Variants in UBE2K observed in about 807,000 individuals in gnomAD.
The protein encoded by UBE2K is ubiquitin-conjugating enzyme E2 K.
UBE2K carries 6 observed loss-of-function variants against 30.0 expected under a neutral mutation model. The ratio of observed to expected loss-of-function variants is 0.20; its 90% CI spans 0.11 to 0.39. The LOEUF (loss-of-function observed/expected upper bound fraction) is 0.39, where lower values mean the gene tolerates loss of function less well. UBE2K is among the 10% of genes least tolerant of loss of function. The probability of loss-of-function intolerance (pLI) is 1.00; values close to 1 mark genes in which losing one functional copy is unlikely to be tolerated. For synonymous variants in UBE2K, 86 were observed against 83.7 expected (o/e 1.03, Z -0.15); for missense variants, 61 against 241.6 (o/e 0.25, Z 4.96).
intron 1 of UBE2K, among the ~76,000 whole-genome samples, chr4:39,735,991 T>C (rs1720356352): frequency 7.1e-6 from 1 of 140,158 alleles, no homozygotes; most frequent in Non-Finnish European, 1.5e-5. Flanking sequence ...ATATTTAACA[T>C]AGAAAAAGAG....
chr4:39,755,438 C>T (rs1354213857), intron 3 of UBE2K, among the ~76,000 whole-genome samples: 2 of 152,080 alleles, frequency 1.3e-5, no homozygotes, highest in African/African-American at 2.4e-5. Flanking sequence ...TGTTTAAAGG[C>T]GGAACATTTA....
At chr4:39,769,875 C>G (rs1369488103) in intron 4 of UBE2K, among the ~76,000 whole-genome samples, 1 of 152,156 alleles carries the variant, frequency 6.6e-6, no homozygotes, top group Non-Finnish European at 1.5e-5. Flanking sequence ...ACCCTGTCCC[C>G]CGCTCCAGCT....
At chr4:39,736,453 A>C (rs1720385763) in intron 1 of UBE2K, among the ~76,000 whole-genome samples, 1 of 152,072 alleles carries the variant, frequency 6.6e-6, no homozygotes, top group Non-Finnish European at 1.5e-5. Context: ...CAAGAGCAAG[A>C]CTCCGTCTCA....
intron 1 of UBE2K, among the ~76,000 whole-genome samples, chr4:39,712,460 C>T (rs554829153): frequency 6.8e-6 from 1 of 146,568 alleles, no homozygotes; most frequent in South Asian, 2.2e-4. Flanking sequence ...GATGGACTCT[C>T]GCTTTATCGC....
chr4:39,698,649 C>G (rs1213459365), intron 1 of UBE2K, among the ~76,000 whole-genome samples: 1 of 151,944 alleles, frequency 6.6e-6, no homozygotes, highest in Non-Finnish European at 1.5e-5. Context: ...GGCAACTCCT[C>G]GGAGGGATGG....
chr4:39,698,456 C>T, intron 1 of UBE2K, 66 bp downstream of exon 1: 13 of 1,443,846 alleles, frequency 9.0e-6, no homozygotes, highest in South Asian at 1.2e-5. Flanking sequence ...CCAGCTGCGA[C>T]CCCGATATCC....
At chr4:39,771,664 G>A (rs190650877) in intron 4 of UBE2K, among the ~76,000 whole-genome samples, 74 of 152,228 alleles carry the variant, frequency 4.9e-4, no homozygotes, top group African/African-American at 1.7e-3. Context: ...TGTGTTCCAG[G>A]CCTCGCGCGC....
At chr4:39,719,821 G>A (rs1719321871) in intron 1 of UBE2K, among the ~76,000 whole-genome samples, 1 of 152,194 alleles carries the variant, frequency 6.6e-6, no homozygotes, top group African/African-American at 2.4e-5. Context: ...ATATAGCACA[G>A]TTTTTGCCTC....
intron 4 of UBE2K, among the ~76,000 whole-genome samples, chr4:39,763,570 C>T (rs1455049450): frequency 6.6e-6 from 1 of 152,068 alleles, no homozygotes; most frequent in Non-Finnish European, 1.5e-5. Context: ...AAACAACCAG[C>T]TCTCACATGA....
chr4:39,729,609 C>A (rs1460721812), intron 1 of UBE2K, among the ~76,000 whole-genome samples: 3 of 152,142 alleles, frequency 2.0e-5, no homozygotes, highest in African/African-American at 7.2e-5. Flanking sequence ...AGTATTCTCT[C>A]TAATCCCCCT....
At chr4:39,747,785 TTTG>T (rs1054044884) in intron 3 of UBE2K, among the ~76,000 whole-genome samples, 8 of 151,698 alleles carry the variant, frequency 5.3e-5, no homozygotes, top group East Asian at 1.9e-4. Context: ...CCCGGCTAAT[TTTG>T]TTGTTGTTGT....
Position 39,698,298 on chromosome 4 carries a change from G to A in UBE2K, c.-30G>A. ...CGGTGGTCGTAGCGGTGGCGGAGGAGGCGGGTACGAATCAGCTGCGGGCGG... is the reference window on the plus strand; with the variant it reads ...CGGTGGTCGTAGCGGTGGCGGAGGAAGCGGGTACGAATCAGCTGCGGGCGG... On this transcript the variant is annotated 5_prime_UTR_variant, in exon 1 of 7. Transcript: ENST00000261427. 2 of 1,603,552 alleles carry A rather than the reference G, an allele frequency of 1.2e-6. No individual in the cohort carries two copies. Among genetic ancestry groups the A allele is most frequent in the African/African-American group, 2.7e-5 (2 of 74,974 alleles).
At chr4:39,701,443 C>T (rs771551312) in intron 1 of UBE2K, among the ~76,000 whole-genome samples, 9 of 152,092 alleles carry the variant, frequency 5.9e-5, no homozygotes, top group South Asian at 2.1e-4. Flanking sequence ...TTTGTTTTTA[C>T]GTTATTGCTA....
chr4:39,712,583 G>A (rs1418502014), intron 1 of UBE2K, among the ~76,000 whole-genome samples: 1 of 151,778 alleles, frequency 6.6e-6, no homozygotes, highest in East Asian at 1.9e-4. Flanking sequence ...CACCACGCCT[G>A]GCTAAGTTTT....
At chr4:39,773,313 A>G (rs1337620000) in intron 4 of UBE2K, among the ~76,000 whole-genome samples, 3 of 151,228 alleles carry the variant, frequency 2.0e-5, no homozygotes, top group Non-Finnish European at 4.4e-5. Flanking sequence ...CTAAAACTAC[A>G]AAAAATTAGC....
intron 4 of UBE2K, among the ~76,000 whole-genome samples, chr4:39,773,492 G>A (rs1200103745): frequency 6.6e-6 from 1 of 151,552 alleles, no homozygotes; most frequent in Non-Finnish European, 1.5e-5. Flanking sequence ...AAAGAAAAAA[G>A]AAAATATATT....
chr4:39,723,979 G>T (rs892274366), intron 1 of UBE2K, among the ~76,000 whole-genome samples: 8 of 150,648 alleles, frequency 5.3e-5, no homozygotes, highest in African/African-American at 9.8e-5. Flanking sequence ...CACCCATCTG[G>T]TTTTTTTGTA....
At chr4:39,767,554 A>G (rs2109397184) in intron 4 of UBE2K, among the ~76,000 whole-genome samples, 1 of 152,002 alleles carries the variant, frequency 6.6e-6, no homozygotes, top group South Asian at 2.1e-4. Flanking sequence ...CGATCTCCTG[A>G]CCTTGTGATT....
intron 1 of UBE2K, among the ~76,000 whole-genome samples, chr4:39,710,784 T>C (rs959417905): frequency 6.6e-6 from 1 of 152,110 alleles, no homozygotes; most frequent in Non-Finnish European, 1.5e-5. Context: ...CCCTACATTT[T>C]TGAAGATTTT....
Sources: allele counts gnomAD v4.1 joint callset (sites outside exome capture counted in the v4.1 genomes callset), GRCh38; gene constraint gnomAD v4.1.1; transcripts MANE v1.5; gene names NCBI Gene and HGNC (gene_info 2026-07-23, HGNC 2026-07-21).